The following SLC25A48 variants were observed in gnomAD, a reference collection of about 807,000 sequenced individuals.
The protein encoded by SLC25A48 is CTC-321K16.1.
A neutral mutation model predicts 32.2 loss-of-function variants in SLC25A48; 29 were observed. The ratio of observed to expected loss-of-function variants is 0.90; its 90% CI spans 0.67 to 1.23. The LOEUF is 1.23. Among genes scored for constraint, SLC25A48 ranks in the 50% most tolerant of loss-of-function variants. The probability of loss-of-function intolerance (pLI) is 0.00; values close to 1 mark genes in which losing one functional copy is unlikely to be tolerated. For missense variants in SLC25A48, 399 were observed against 422.7 expected (o/e 0.94, Z 0.49); for synonymous variants, 164 against 172.3 (o/e 0.95, Z 0.38).
chr5:135,770,462 T>C (rs1163054382), intron 3 of SLC25A48, among the ~76,000 whole-genome samples: 2 of 151,398 alleles, frequency 1.3e-5, no homozygotes, highest in Non-Finnish European at 3.0e-5. Context: ...CTAATATCCA[T>C]AGGCGGGAAG....
chr5:135,659,838 C>T (rs1329357901), intron 3 of SLC25A48, among the ~76,000 whole-genome samples: 2 of 152,186 alleles, frequency 1.3e-5, no homozygotes, highest in African/African-American at 4.8e-5. Flanking sequence ...TGCTTTTAAA[C>T]AGCCAGATAG....
intron 3 of SLC25A48, among the ~76,000 whole-genome samples, chr5:135,673,218 A>T (rs567160236): frequency 3.3e-4 from 50 of 152,302 alleles, no homozygotes; most frequent in Middle Eastern, 3.4e-3. Flanking sequence ...GTGAAAATGT[A>T]TTTTAATTCC....
At chr5:135,798,645 T>C (rs1757245460) in intron 3 of SLC25A48, among the ~76,000 whole-genome samples, 1 of 151,668 alleles carries the variant, frequency 6.6e-6, no homozygotes, top group Non-Finnish European at 1.5e-5. Flanking sequence ...GTGATAGATT[T>C]CCTAATATCA....
chr5:135,589,721 G>GTCTCA (rs1472678544), intron 1 of SLC25A48, among the ~76,000 whole-genome samples: 9 of 152,114 alleles, frequency 5.9e-5, no homozygotes, highest in African/African-American at 2.2e-4. Flanking sequence ...TTGAGGCGGA[G>GTCTCA]TCTCACTCTG....
intron 3 of SLC25A48, among the ~76,000 whole-genome samples, chr5:135,680,863 C>T (rs1753879877): frequency 6.6e-6 from 1 of 152,184 alleles, no homozygotes; most frequent in Non-Finnish European, 1.5e-5. Flanking sequence ...TCCATCCTCT[C>T]TCTCTTCTTC....
intron 7 of SLC25A48, among the ~76,000 whole-genome samples, chr5:135,884,744 G>A (rs902022556): frequency 7.2e-5 from 11 of 152,110 alleles, no homozygotes; most frequent in Non-Finnish European, 1.5e-4. Flanking sequence ...GCCTCAACTG[G>A]ACCATTTCCC....
Position 135,789,557 on chromosome 5 carries a change from G to T in SLC25A48, c.-520-22966G>T, listed in dbSNP as rs1163240686. Among the ~76,000 whole-genome samples the T allele has an allele frequency of 4.0e-5, 6 of 151,786 alleles. 1 individual carries two copies. Among genetic ancestry groups the T allele is most frequent in the Admixed American group, 3.3e-4 (5 of 15,244 alleles). On this transcript the variant is annotated intron_variant, in intron 3 of 10. Coordinates refer to the SLC25A48 transcript ENST00000646290. ...GGTATTACTCCCCATGTTGCTGGGGGTGTACAACCCTGTGCGATATGGTTT... is the reference window on the plus strand; with the variant it reads ...GGTATTACTCCCCATGTTGCTGGGGTTGTACAACCCTGTGCGATATGGTTT...
At chr5:135,664,800 A>G (rs1753483847) in intron 3 of SLC25A48, among the ~76,000 whole-genome samples, 1 of 152,186 alleles carries the variant, frequency 6.6e-6, no homozygotes, top group African/African-American at 2.4e-5. Context: ...TATATAAACC[A>G]CATTTTTTTA....
intron 3 of SLC25A48, among the ~76,000 whole-genome samples, chr5:135,796,624 C>T (rs777068041): frequency 4.6e-4 from 70 of 151,346 alleles, no homozygotes; most frequent in Non-Finnish European, 8.9e-4. Flanking sequence ...TGTTATGGTT[C>T]GTAATATCCA....
intron 3 of SLC25A48, among the ~76,000 whole-genome samples, chr5:135,700,524 C>T (rs969940899): frequency 2.0e-5 from 3 of 152,218 alleles, no homozygotes; most frequent in Non-Finnish European, 4.4e-5. Context: ...GGTGCCCAGC[C>T]TCTAGAGCCC....
chr5:135,801,874 C>T (rs1055599408), intron 3 of SLC25A48, among the ~76,000 whole-genome samples: 3 of 151,514 alleles, frequency 2.0e-5, no homozygotes, highest in Non-Finnish European at 4.4e-5. Context: ...TGATATTACT[C>T]GCAATATTGC....
At chr5:135,744,270 T>C (rs1460645484) in intron 3 of SLC25A48, among the ~76,000 whole-genome samples, 1 of 152,164 alleles carries the variant, frequency 6.6e-6, no homozygotes, top group Non-Finnish European at 1.5e-5. Flanking sequence ...GAGCATGCCC[T>C]CAAGCTCTGG....
intron 4 of SLC25A48, among the ~76,000 whole-genome samples, chr5:135,823,122 G>A (rs1333549854): frequency 6.6e-6 from 1 of 152,042 alleles, no homozygotes; most frequent in Non-Finnish European, 1.5e-5. Context: ...TGTCAGGGGC[G>A]GGGACTCAAG....
upstream of SLC25A48, among the ~76,000 whole-genome samples, chr5:135,832,385 A>T (rs1465121237): frequency 2.6e-5 from 4 of 152,330 alleles, no homozygotes; most frequent in East Asian, 7.7e-4. Flanking sequence ...CAGCGCCTTC[A>T]CTGCAGCAGG....
intron 1 of SLC25A48, among the ~76,000 whole-genome samples, chr5:135,600,270 TCTC>T (rs1260295988): frequency 6.6e-6 from 1 of 152,180 alleles, no homozygotes; most frequent in Non-Finnish European, 1.5e-5. Context: ...ATAATGTGGT[TCTC>T]CTGCTCCCTG....
intron 3 of SLC25A48, among the ~76,000 whole-genome samples, chr5:135,748,535 A>C (rs1244010073): frequency 6.7e-6 from 1 of 149,882 alleles, no homozygotes; most frequent in Non-Finnish European, 1.5e-5. Flanking sequence ...TGGCCTCCCA[A>C]AGTGCTGGGA....
At chr5:135,837,511 A>G (rs1165544167) in intron 1 of SLC25A48, among the ~76,000 whole-genome samples, 1 of 152,198 alleles carries the variant, frequency 6.6e-6, no homozygotes, top group Non-Finnish European at 1.5e-5. Context: ...CAAGGCTGAT[A>G]CGGTTTGGCT....
chr5:135,586,534 A>G (rs1490579071), intron 1 of SLC25A48, among the ~76,000 whole-genome samples: 2 of 152,198 alleles, frequency 1.3e-5, no homozygotes, highest in African/African-American at 2.4e-5. Context: ...AGACACAGAC[A>G]TGGAGCCTTC....
intron 3 of SLC25A48, among the ~76,000 whole-genome samples, chr5:135,759,355 A>G (rs1429600484): frequency 6.6e-6 from 1 of 152,166 alleles, no homozygotes; most frequent in East Asian, 1.9e-4. Context: ...ACTCCATGGT[A>G]CGGATGTACC....
Sources: allele counts gnomAD v4.1 joint callset (sites outside exome capture counted in the v4.1 genomes callset), GRCh38; gene constraint gnomAD v4.1.1; transcripts MANE v1.5; gene names NCBI Gene and HGNC (gene_info 2026-07-23, HGNC 2026-07-21).